Variants in LRP1B observed in about 807,000 individuals in gnomAD.
LRP1B encodes the protein low-density lipoprotein receptor-related protein 1B.
In LRP1B, 217 loss-of-function variants were observed where a neutral mutation model predicts 556.6. The observed-to-expected ratio is 0.39, with a 90% CI of 0.35 to 0.44. The LOEUF (loss-of-function observed/expected upper bound fraction) is 0.44, where lower values mean the gene tolerates loss of function less well. Among genes scored for constraint, LRP1B ranks in the 20% least tolerant of loss-of-function variants. The probability of loss-of-function intolerance (pLI) is 1.00; values close to 1 mark genes in which losing one functional copy is unlikely to be tolerated. For synonymous variants in LRP1B, 2,047 were observed against 1,865.8 expected (o/e 1.10, Z -2.50); for missense variants, 5,053 against 5,620.8 (o/e 0.90, Z 3.23).
intron 81 of LRP1B, among the ~76,000 whole-genome samples, chr2:140,322,620 T>TA (rs1433031769): frequency 6.9e-6 from 1 of 144,684 alleles, no homozygotes; most frequent in Non-Finnish European, 1.5e-5. Context: ...AAGACATGTC[T>TA]AAAGTGGCTT....
intron 3 of LRP1B, among the ~76,000 whole-genome samples, chr2:141,338,266 A>G (rs967352090): frequency 1.3e-5 from 2 of 152,130 alleles, no homozygotes; most frequent in African/African-American, 4.8e-5. Context: ...CACTGCCACC[A>G]TAAGCTCAAT....
intron 6 of LRP1B, among the ~76,000 whole-genome samples, chr2:141,200,347 A>G (rs544098401): frequency 6.6e-6 from 1 of 152,274 alleles, no homozygotes; most frequent in African/African-American, 2.4e-5. Flanking sequence ...GAACACATGG[A>G]CACATGAGGT....
At chr2:141,048,814 G>C (rs766494500) in intron 11 of LRP1B, among the ~76,000 whole-genome samples, 172 bp downstream of exon 11, 4 of 151,978 alleles carry the variant, frequency 2.6e-5, no homozygotes, top group Non-Finnish European at 5.9e-5. Flanking sequence ...TAATACACTG[G>C]TATATGAAAA....
At chr2:140,892,990 T>C (rs1212397473) in intron 23 of LRP1B, among the ~76,000 whole-genome samples, 2 of 152,008 alleles carry the variant, frequency 1.3e-5, no homozygotes, top group East Asian at 3.9e-4. Context: ...AATGACTTCC[T>C]CTAGAGACAG....
At chr2:141,798,871 T>G (rs1401591511) in intron 2 of LRP1B, among the ~76,000 whole-genome samples, 1 of 151,942 alleles carries the variant, frequency 6.6e-6, no homozygotes, top group Admixed American at 6.6e-5. Context: ...GTAATTAAGG[T>G]AAAATGAGGT....
At chr2:141,872,204 A>G (rs1271502182) in intron 1 of LRP1B, among the ~76,000 whole-genome samples, 1 of 152,006 alleles carries the variant, frequency 6.6e-6, no homozygotes, top group Non-Finnish European at 1.5e-5. Context: ...ACGAAGGTAA[A>G]GAATAAATAT....
intron 9 of LRP1B, among the ~76,000 whole-genome samples, chr2:141,057,807 C>A (rs1245881742): frequency 6.6e-6 from 1 of 151,772 alleles, no homozygotes; most frequent in Non-Finnish European, 1.5e-5. Flanking sequence ...TTAATACAAT[C>A]CCCATGCCTT....
intron 2 of LRP1B, among the ~76,000 whole-genome samples, chr2:141,626,986 G>A (rs906053071): frequency 1.3e-5 from 2 of 152,100 alleles, no homozygotes; most frequent in Non-Finnish European, 1.5e-5. Context: ...GCACACAAAA[G>A]CCTAAACAAA....
intron 1 of LRP1B, among the ~76,000 whole-genome samples, chr2:141,945,364 T>C (rs1369080594): frequency 6.6e-6 from 1 of 152,130 alleles, no homozygotes; most frequent in African/African-American, 2.4e-5. Flanking sequence ...ATTGTACACA[T>C]AGAGAATGGT....
At chr2:141,696,403 T>C (rs1553449702) in intron 2 of LRP1B, among the ~76,000 whole-genome samples, 1 of 151,950 alleles carries the variant, frequency 6.6e-6, no homozygotes, top group Non-Finnish European at 1.5e-5. Context: ...AATAAATAAA[T>C]AATTCTGCAA....
chr2:141,471,086 A>G (rs891156461), intron 3 of LRP1B, among the ~76,000 whole-genome samples: 3 of 152,266 alleles, frequency 2.0e-5, no homozygotes, highest in African/African-American at 7.2e-5. Context: ...GGAGTTGATC[A>G]ATGTGAGGTA....
chr2:141,329,104 C>A (rs1199797001), intron 3 of LRP1B, among the ~76,000 whole-genome samples: 1 of 152,018 alleles, frequency 6.6e-6, no homozygotes, highest in Non-Finnish European at 1.5e-5. Flanking sequence ...ATGTTTGAGG[C>A]TGACCAGGCA....
chr2:141,891,861 C>G (rs1168460232), intron 1 of LRP1B, among the ~76,000 whole-genome samples: 2 of 152,018 alleles, frequency 1.3e-5, no homozygotes, highest in East Asian at 3.9e-4. Context: ...CCTCATAATA[C>G]TTTAATATTT....
At chr2:141,880,650 C>G (rs1176402248) in intron 1 of LRP1B, among the ~76,000 whole-genome samples, 1 of 151,914 alleles carries the variant, frequency 6.6e-6, no homozygotes, top group Admixed American at 6.6e-5. Context: ...TAAATAGCTA[C>G]TCTCATGCAC....
intron 86 of LRP1B, among the ~76,000 whole-genome samples, chr2:140,253,636 A>G (rs1280288624): frequency 6.6e-6 from 1 of 152,108 alleles, no homozygotes; most frequent in Non-Finnish European, 1.5e-5. Flanking sequence ...ATGTCCAGAG[A>G]TGGAAAATGT....
chr2:141,544,340 C>CTTCTTCTTCTTCTTCTTCTTCTTCTT lies in LRP1B; in HGVS notation c.206-63833_206-63808dup, dbSNP rs1559131227. 5.6e-4 allele frequency among the ~76,000 whole-genome samples: 41 copies of CTTCTTCTTCTTCTTCTTCTTCTTCTT among 73,264 alleles called. 1 individual carries two copies. The highest frequency in any genetic ancestry group is 2.1e-3 in the African/African-American group (38 of 18,326). 48.1% of individuals were successfully genotyped at this position (73,264 alleles called of 152,430 possible). A position where few individuals can be genotyped will look rare whatever the true frequency, so the allele number is the denominator to read the frequency against. ...TCTTCTTCTTCTTCTTCTTCTTCTTCTTCTTCTTCTTCTTCTTCTTCTTCT... is the reference window on the plus strand; with the variant it reads ...TCTTCTTCTTCTTCTTCTTCTTCTTCTTCTTCTTCTTCTTCTTCTTCTTCTTTTCTTCTTCTTCTTCTTCTTCTTCT... On this transcript the variant is annotated intron_variant, in intron 2 of 90. Coordinates refer to ENST00000389484, the MANE Select transcript of LRP1B (RefSeq NM_018557.3).
intron 2 of LRP1B, among the ~76,000 whole-genome samples, chr2:141,668,758 C>T (rs1262070670): frequency 1.3e-5 from 2 of 152,202 alleles, no homozygotes; most frequent in Admixed American, 6.5e-5. Flanking sequence ...CTGGTTAACA[C>T]TTAACTCATC....
At chr2:140,861,022 C>CTATCTATCTAATT (rs1692776973) in intron 27 of LRP1B, among the ~76,000 whole-genome samples, 1 of 135,344 alleles carries the variant, frequency 7.4e-6, no homozygotes, top group Non-Finnish European at 1.6e-5. Flanking sequence ...ATCTATCTAT[C>CTATCTATCTAATT]TATCTAATTT....
In LRP1B at chr2:140,322,074, A is replaced by G. The variant is rs138765364; in HGVS notation, c.12529T>C (p.Leu4177=). ...YKQLDLPNPC[L]DLACEFLCLL... is the part of the protein sequence containing the mutation. ...CAAAGAAATTCGCATGCTAAATCCA[A>G]GCATGGATTGGGTACTGGTGAAACA... Residue 4177 remains leucine, a synonymous_variant, in exon 82 of 91, where the codon TTG becomes CTG. Coordinates refer to ENST00000389484, the MANE Select transcript of LRP1B (RefSeq NM_018557.3). 3 of 1,613,076 alleles carry G rather than the reference A, an allele frequency of 1.9e-6. No homozygotes were observed. In the African/African-American group the frequency reaches 4.0e-5, roughly 22 times the overall value.
Sources: gnomAD v4.1 joint callset for allele counts (sites outside exome capture counted in the v4.1 genomes callset) on GRCh38, gnomAD v4.1.1 for gene constraint, MANE v1.5 for transcripts, NCBI Gene and HGNC (gene_info 2026-07-23, HGNC 2026-07-21) for gene names.